IL23R: variants seen among roughly 807,000 people sequenced by gnomAD.
IL23R encodes the protein interleukin-23 receptor.
Under a neutral mutation model 56.9 loss-of-function variants are expected in IL23R, and 34 were observed. The observed-to-expected ratio is 0.60, with a 90% CI of 0.45 to 0.80. IL23R has a LOEUF of 0.80. IL23R is among the 30% of genes least tolerant of loss of function. IL23R has a pLI of 0.00. For missense variants in IL23R, 635 were observed against 730.0 expected, an observed-to-expected ratio of 0.87 and a Z score of 1.50; for synonymous variants, 230 against 249.2, an observed-to-expected ratio of 0.92 and a Z score of 0.73.
chr1:67,138,754 A>G (rs558770580), upstream of IL23R, among the ~76,000 whole-genome samples: 16 of 152,220 alleles, frequency 1.1e-4, no homozygotes, highest in South Asian at 4.1e-4. Flanking sequence ...TGGGCTTTTT[A>G]TATCTGTGTC....
intron 9 of IL23R, 133 bp downstream of exon 9, chr1:67,240,414 A>G: frequency 1.5e-6 from 1 of 685,742 alleles, no homozygotes; most frequent in Admixed American, 2.2e-5. Context: ...TAAAAAGAAC[A>G]ATGTTTAATA....
At chr1:67,191,326 C>G (rs1647726215) in intron 4 of IL23R, among the ~76,000 whole-genome samples, 1 of 152,202 alleles carries the variant, frequency 6.6e-6, no homozygotes, top group East Asian at 1.9e-4. Context: ...TTGACTAATG[C>G]ATTGACATCT....
intron 5 of IL23R, among the ~76,000 whole-genome samples, chr1:67,205,135 G>A (rs992654410): frequency 6.6e-6 from 1 of 152,068 alleles, no homozygotes; most frequent in Non-Finnish European, 1.5e-5. Context: ...AATCAGCTAT[G>A]GAATTCAGAT....
chr1:67,161,138 G>A (rs1646814743), intron 1 of IL23R, among the ~76,000 whole-genome samples: 1 of 152,138 alleles, frequency 6.6e-6, no homozygotes, highest in Non-Finnish European at 1.5e-5. Context: ...GAAGCAGACA[G>A]AACAAGCGGG....
chr1:67,188,773 GC>G (rs1647534350), intron 4 of IL23R, among the ~76,000 whole-genome samples: 1 of 152,072 alleles, frequency 6.6e-6, no homozygotes, highest in East Asian at 1.9e-4. Context: ...AGTAGAAGGG[GC>G]CAGGCAGCTC....
At chr1:67,219,999 A>C (rs904180716) in intron 7 of IL23R, among the ~76,000 whole-genome samples, 6 of 152,010 alleles carry the variant, frequency 3.9e-5, no homozygotes, top group Non-Finnish European at 8.8e-5. Flanking sequence ...TGAGCCCGGG[A>C]GTTTGATGCT....
chr1:67,188,886 G>A (rs1220346473), intron 4 of IL23R, among the ~76,000 whole-genome samples: 1 of 152,038 alleles, frequency 6.6e-6, no homozygotes, highest in East Asian at 1.9e-4. Flanking sequence ...CTATTACATT[G>A]GGGTTTAAGT....
At chr1:67,254,546 A>C (rs952888963) in intron 9 of IL23R, among the ~76,000 whole-genome samples, 16 of 152,004 alleles carry the variant, frequency 1.1e-4, no homozygotes, top group African/African-American at 3.9e-4. Context: ...AACAACAACA[A>C]AAAAAATGGA....
At chr1:67,209,925 G>A (rs913510493) in intron 6 of IL23R, among the ~76,000 whole-genome samples, 2 of 152,152 alleles carry the variant, frequency 1.3e-5, no homozygotes, top group Non-Finnish European at 2.9e-5. Context: ...GTGTCTCCTA[G>A]GGTGAAATTT....
intron 9 of IL23R, among the ~76,000 whole-genome samples, chr1:67,240,751 G>T (rs1430725160): frequency 6.6e-6 from 1 of 152,200 alleles, no homozygotes; most frequent in Non-Finnish European, 1.5e-5. Context: ...GTTTAATTGA[G>T]CAATGAATGT....
At chr1:67,230,813 G>C (rs535269792) in intron 7 of IL23R, among the ~76,000 whole-genome samples, 6 of 152,184 alleles carry the variant, frequency 3.9e-5, no homozygotes, top group Non-Finnish European at 8.8e-5. Flanking sequence ...TGATATGTTG[G>C]CATTAGTTTT....
intron 7 of IL23R, 21 bp from the exon 8 acceptor site, chr1:67,236,692 A>G (rs760217259): frequency 2.0e-6 from 3 of 1,530,876 alleles, no homozygotes; most frequent in Middle Eastern, 3.4e-4. Flanking sequence ...AGAAACTGAC[A>G]CTCTTTCCTT....
At chr1:67,218,975 A>T (rs961716526) in intron 6 of IL23R, among the ~76,000 whole-genome samples, 2 of 149,928 alleles carry the variant, frequency 1.3e-5, no homozygotes, top group Non-Finnish European at 1.5e-5. Context: ...ACACACATAT[A>T]AATAAATAAA....
intron 4 of IL23R, among the ~76,000 whole-genome samples, chr1:67,187,869 C>A (rs995658076): frequency 1.3e-5 from 2 of 152,030 alleles, no homozygotes; most frequent in Non-Finnish European, 2.9e-5. Context: ...AGTTCAAGAC[C>A]AGCCTGGCCA....
chr1:67,255,541 C>T (rs953437317), intron 9 of IL23R, among the ~76,000 whole-genome samples: 6 of 151,960 alleles, frequency 3.9e-5, no homozygotes, highest in East Asian at 1.9e-4. Flanking sequence ...CAGGCTCAAG[C>T]GATCTTTCCA....
At chr1:67,187,157 A>G (rs1647398768) in intron 4 of IL23R, among the ~76,000 whole-genome samples, 1 of 152,154 alleles carries the variant, frequency 6.6e-6, no homozygotes, top group African/African-American at 2.4e-5. Context: ...CAACTGCCAT[A>G]ATGTTTTCCA....
chr1:67,189,452 T>C (rs1180964924), intron 4 of IL23R, among the ~76,000 whole-genome samples: 1 of 152,200 alleles, frequency 6.6e-6, no homozygotes, highest in Non-Finnish European at 1.5e-5. Flanking sequence ...AACCAAGTTC[T>C]GAATTGATGG....
chr1:67,200,938 G>A, intron 5 of IL23R, 41 bp downstream of exon 5: 2 of 1,596,864 alleles, frequency 1.3e-6, no homozygotes, highest in South Asian at 1.1e-5. Context: ...ATAATAACCA[G>A]TTTGTGCTGA....
At chr1:67,190,823 T>C (rs535417942) in intron 4 of IL23R, among the ~76,000 whole-genome samples, 1 of 152,346 alleles carries the variant, frequency 6.6e-6, no homozygotes, top group South Asian at 2.1e-4. Context: ...TGCAGTATCA[T>C]GTTAGAGCCC....
Sources: allele counts gnomAD v4.1 joint callset (sites outside exome capture counted in the v4.1 genomes callset), GRCh38; gene constraint gnomAD v4.1.1; transcripts MANE v1.5; gene names NCBI Gene and HGNC (gene_info 2026-07-23, HGNC 2026-07-21).